Variants in CDKAL1 observed in about 807,000 individuals in gnomAD.
CDKAL1 encodes CDKAL1 threonylcarbamoyladenosine tRNA methylthiotransferase.
In CDKAL1, 32 loss-of-function variants were observed where a neutral mutation model predicts 68.2. The observed-to-expected ratio is 0.47, with a 90% confidence interval of 0.35 to 0.63. The LOEUF is 0.63. CDKAL1 is among the 30% of genes least tolerant of loss of function. CDKAL1 has a pLI of 0.00. For synonymous variants in CDKAL1, 234 were observed against 244.3 expected (o/e 0.96, Z 0.39); for missense variants, 606 against 696.7 (o/e 0.87, Z 1.47).
chr6:21,091,857 C>CTTTTTTTTTTTTTTTTTTTTT (rs70990099), intron 12 of CDKAL1, among the ~76,000 whole-genome samples: 2 of 70,538 alleles, frequency 2.8e-5, no homozygotes, highest in Non-Finnish European at 5.2e-5. Flanking sequence ...TCAGAACTTT[C>CTTTTTTTTTTTTTTTTTTTTT]TTTTTTTTTT....
chr6:20,936,204 A>C (rs1278418205), intron 9 of CDKAL1, among the ~76,000 whole-genome samples: 1 of 132,880 alleles, frequency 7.5e-6, no homozygotes, highest in Non-Finnish European at 1.6e-5. Flanking sequence ...TTTTCTGTAC[A>C]TTTTTTTAAA....
chr6:21,148,992 A>G (rs1022914651), intron 13 of CDKAL1, among the ~76,000 whole-genome samples: 4 of 152,214 alleles, frequency 2.6e-5, no homozygotes, highest in Non-Finnish European at 4.4e-5. Flanking sequence ...CTTTAGTATT[A>G]TAAAGGAGAT....
chr6:20,889,719 T>C (rs564776456), intron 9 of CDKAL1, among the ~76,000 whole-genome samples: 1 of 152,304 alleles, frequency 6.6e-6, no homozygotes, highest in South Asian at 2.1e-4. Context: ...TTGGTCTATA[T>C]CTCTGTTTTG....
intron 9 of CDKAL1, among the ~76,000 whole-genome samples, chr6:20,878,829 A>G (rs1379281704): frequency 2.0e-5 from 3 of 151,986 alleles, no homozygotes; most frequent in African/African-American, 7.2e-5. Context: ...CTGTAATCCC[A>G]GCACTTTGCG....
intron 8 of CDKAL1, among the ~76,000 whole-genome samples, chr6:20,803,252 C>A (rs377626570): frequency 1.3e-5 from 2 of 152,112 alleles, no homozygotes; most frequent in Non-Finnish European, 2.9e-5. Context: ...TGGCTTCTTC[C>A]AGCCTTTTCT....
intron 5 of CDKAL1, among the ~76,000 whole-genome samples, chr6:20,692,777 A>C (rs1007081856): frequency 6.6e-6 from 1 of 152,066 alleles, no homozygotes; most frequent in South Asian, 2.1e-4. Context: ...TTGGTAAGCC[A>C]GTGCTTTGAG....
intron 7 of CDKAL1, among the ~76,000 whole-genome samples, chr6:20,775,525 A>G (rs918086474): frequency 6.6e-6 from 1 of 152,194 alleles, no homozygotes; most frequent in Non-Finnish European, 1.5e-5. Context: ...TTTCATAAGT[A>G]TAGCATGTTC....
intron 8 of CDKAL1, among the ~76,000 whole-genome samples, chr6:20,836,309 TACAA>T (rs750556398): frequency 6.6e-6 from 1 of 152,228 alleles, no homozygotes; most frequent in Non-Finnish European, 1.5e-5. Context: ...TTGCATATTA[TACAA>T]ACATTTTCAT....
chr6:20,969,120 C>T (rs919563374), intron 10 of CDKAL1, among the ~76,000 whole-genome samples: 1 of 152,034 alleles, frequency 6.6e-6, no homozygotes, highest in African/African-American at 2.4e-5. Flanking sequence ...TAGTTCAGAC[C>T]TTTGAACAAT....
At chr6:21,152,211 C>G (rs1039341971) in intron 13 of CDKAL1, among the ~76,000 whole-genome samples, 4 of 152,204 alleles carry the variant, frequency 2.6e-5, no homozygotes, top group Non-Finnish European at 4.4e-5. Context: ...TTCCCCTAAA[C>G]TCTCAATCAG....
At chr6:20,833,724 T>G (rs193193459) in intron 8 of CDKAL1, among the ~76,000 whole-genome samples, 92 of 152,350 alleles carry the variant, frequency 6.0e-4, no homozygotes, top group Admixed American at 1.8e-3. Context: ...AGTTAATTTC[T>G]TAGCATATTT....
At chr6:20,752,006 T>C (rs1248218987) in intron 6 of CDKAL1, among the ~76,000 whole-genome samples, 1 of 152,072 alleles carries the variant, frequency 6.6e-6, no homozygotes, top group Non-Finnish European at 1.5e-5. Flanking sequence ...TCTCGATTGT[T>C]TTTTCTTCTT....
At chr6:20,974,815 C>CA (rs34192233) in intron 10 of CDKAL1, among the ~76,000 whole-genome samples, 95,592 of 138,934 alleles carry the variant, frequency 0.69, 33,753 homozygotes, top group East Asian at 0.87. Context: ...CCAGTCTCTG[C>CA]AAAAAAAAAA....
chr6:21,023,916 A>G (rs1435394622), intron 11 of CDKAL1, among the ~76,000 whole-genome samples: 1 of 152,128 alleles, frequency 6.6e-6, no homozygotes, highest in Non-Finnish European at 1.5e-5. Context: ...GGAACATTAC[A>G]GTTGTTTTTC....
intron 5 of CDKAL1, among the ~76,000 whole-genome samples, chr6:20,650,154 T>C (rs186156440): frequency 6.6e-6 from 1 of 152,156 alleles, no homozygotes; most frequent in African/African-American, 2.4e-5. Context: ...TCTTCCACAA[T>C]GGTTTAATTA....
chr6:20,869,235 A>G (rs565027701), intron 9 of CDKAL1, among the ~76,000 whole-genome samples: 2 of 152,330 alleles, frequency 1.3e-5, no homozygotes, highest in Non-Finnish European at 2.9e-5. Flanking sequence ...TTTTCTTTTT[A>G]AGTAAAGCTA....
At chr6:20,771,735 T>C (rs1308403549) in intron 7 of CDKAL1, among the ~76,000 whole-genome samples, 1 of 151,866 alleles carries the variant, frequency 6.6e-6, no homozygotes, top group Non-Finnish European at 1.5e-5. Flanking sequence ...CTCATGTGAG[T>C]TGGTTGTTTA....
chr6:21,114,507 A>G (rs1405836794), intron 13 of CDKAL1, among the ~76,000 whole-genome samples: 1 of 152,062 alleles, frequency 6.6e-6, no homozygotes, highest in Admixed American at 6.6e-5. Flanking sequence ...CTGTGGTGGG[A>G]GAATCATTTG....
At chr6:21,109,314 T>C (rs1486228912) in intron 13 of CDKAL1, among the ~76,000 whole-genome samples, 1 of 152,228 alleles carries the variant, frequency 6.6e-6, no homozygotes, top group Admixed American at 6.5e-5. Flanking sequence ...CTTAAATCTT[T>C]ATCTATGAAT....
Sources: gnomAD v4.1 joint callset for allele counts (sites outside exome capture counted in the v4.1 genomes callset) on GRCh38, gnomAD v4.1.1 for gene constraint, MANE v1.5 for transcripts, NCBI Gene and HGNC (gene_info 2026-07-23, HGNC 2026-07-21) for gene names.